STAG2: variants seen among roughly 807,000 people sequenced by gnomAD.
The protein encoded by STAG2 is cohesin subunit SA-2.
Under a neutral mutation model 108.1 loss-of-function variants are expected in STAG2, and 14 were observed. That is an observed-to-expected ratio of 0.13 (90% confidence interval 0.09 to 0.20). The LOEUF is 0.20. STAG2 is among the 10% of genes least tolerant of loss of function. STAG2 has a pLI of 1.00. For synonymous variants in STAG2, 307 were observed against 302.7 expected, an observed-to-expected ratio of 1.01 and a Z score of -0.15; for missense variants, 440 against 940.9, an observed-to-expected ratio of 0.47 and a Z score of 6.96.
chrX:124,073,532 C>T (rs2058726661), intron 25 of STAG2, among the ~76,000 whole-genome samples: 2 of 111,420 alleles, frequency 1.8e-5, no homozygotes, highest in South Asian at 7.6e-4. Context: ...AAATGATTCT[C>T]CCACCTCAGT....
chrX:123,969,979 T>TA (rs1395619770), intron 1 of STAG2, among the ~76,000 whole-genome samples: 2 of 97,645 alleles, frequency 2.0e-5, no homozygotes, highest in East Asian at 3.0e-4. Flanking sequence ...TTTTTTTTTT[T>TA]AATTGTAACT....
chrX:124,036,782 A>G (rs1223996647), intron 5 of STAG2, among the ~76,000 whole-genome samples: 2 of 111,863 alleles, frequency 1.8e-5, no homozygotes, highest in African/African-American at 3.2e-5. Context: ...AGAAATAACC[A>G]TATTGAGATA....
chrX:124,075,253 AT>A (rs908534399), intron 25 of STAG2, among the ~76,000 whole-genome samples: 1 of 112,067 alleles, frequency 8.9e-6, no homozygotes, highest in Non-Finnish European at 1.9e-5. Flanking sequence ...AACAATTTTA[AT>A]TTCATTTAAC....
chrX:124,009,392 CAGGT>C (rs748240892), intron 1 of STAG2, among the ~76,000 whole-genome samples: 259 of 90,542 alleles, frequency 2.9e-3, no homozygotes, highest in South Asian at 0.014. Context: ...GTAATCTAAC[CAGGT>C]AGGTAGGTAG....
chrX:123,974,546 G>A (rs1244759336), intron 1 of STAG2, among the ~76,000 whole-genome samples: 1 of 100,660 alleles, frequency 9.9e-6, no homozygotes, highest in Non-Finnish European at 2.0e-5. Flanking sequence ...TCTTATATAT[G>A]CAGTTACTGT....
At chrX:124,076,106 A>G (rs2058795722) in intron 25 of STAG2, among the ~76,000 whole-genome samples, 1 of 112,051 alleles carries the variant, frequency 8.9e-6, no homozygotes, top group African/African-American at 3.2e-5. Flanking sequence ...GTAGGTGAAC[A>G]TGGAATACGA....
intron 25 of STAG2, among the ~76,000 whole-genome samples, chrX:124,076,037 T>C (rs2058793855): frequency 9.0e-6 from 1 of 111,258 alleles, no homozygotes; most frequent in South Asian, 3.8e-4. Flanking sequence ...GCAGATTTTG[T>C]TGACAAACTA....
At chrX:123,984,385 A>G (rs146271025) in intron 1 of STAG2, among the ~76,000 whole-genome samples, 1,528 of 111,624 alleles carry the variant, frequency 0.014, 31 homozygotes, top group African/African-American at 0.047. Context: ...TTACATTTAA[A>G]TGCAGTGAAT....
At chrX:124,061,196 A>G in intron 15 of STAG2, 28 bp from the exon 16 acceptor site, 1 of 1,096,672 alleles carries the variant, frequency 9.1e-7, no homozygotes, top group Non-Finnish European at 1.2e-6. Context: ...TAATTGTCTA[A>G]GACCACATTG....
At chrX:124,090,513 G>C in intron 30 of STAG2, 62 bp from the exon 31 acceptor site, 1 of 942,408 alleles carries the variant, frequency 1.1e-6, no homozygotes, top group Non-Finnish European at 1.5e-6. Context: ...TGAACAGGTT[G>C]TATTAGACAT....
intron 6 of STAG2, among the ~76,000 whole-genome samples, chrX:124,040,941 A>G (rs1189102511): frequency 1.0e-5 from 1 of 96,285 alleles, no homozygotes; most frequent in Non-Finnish European, 2.1e-5. Flanking sequence ...GCTCACTGCA[A>G]CCTCTGCCTC....
At chrX:124,029,247 G>C (rs933232575) in intron 4 of STAG2, among the ~76,000 whole-genome samples, 11 of 108,186 alleles carry the variant, frequency 1.0e-4, no homozygotes, top group African/African-American at 3.4e-4. Context: ...TCGATCTCCT[G>C]ACCTCGTGAT....
At chrX:123,967,096 G>A (rs1162805450) in intron 1 of STAG2, among the ~76,000 whole-genome samples, 2 of 109,711 alleles carry the variant, frequency 1.8e-5, no homozygotes, top group Non-Finnish European at 3.8e-5. Context: ...TGTTGGTCAG[G>A]GTGGTCTCAA....
chrX:124,051,716 G>A (rs1238634475), intron 13 of STAG2, among the ~76,000 whole-genome samples: 1 of 109,230 alleles, frequency 9.2e-6, no homozygotes, highest in Admixed American at 9.8e-5. Flanking sequence ...TCAGCCTCCC[G>A]AGTAGCTGGG....
At chrX:124,093,239 A>G (rs781364484) in intron 32 of STAG2, among the ~76,000 whole-genome samples, 1 of 111,312 alleles carries the variant, frequency 9.0e-6, no homozygotes, top group Non-Finnish European at 1.9e-5. Context: ...ATTTCTAAAT[A>G]TGTCTTAGTT....
intron 1 of STAG2, among the ~76,000 whole-genome samples, chrX:123,973,922 A>G (rs1270998937): frequency 9.0e-6 from 1 of 111,467 alleles, no homozygotes; most frequent in Non-Finnish European, 1.9e-5. Context: ...CCTTAGGGGA[A>G]TATAGTCAGT....
intron 1 of STAG2, among the ~76,000 whole-genome samples, chrX:123,991,046 G>A (rs2055435371): frequency 1.8e-5 from 2 of 112,188 alleles, no homozygotes; most frequent in African/African-American, 3.2e-5. Context: ...TGTGCTTTCA[G>A]TGTACCCTAT....
At chrX:124,055,498 T>C (rs1277165743) in intron 13 of STAG2, among the ~76,000 whole-genome samples, 1 of 112,879 alleles carries the variant, frequency 8.9e-6, no homozygotes, top group Non-Finnish European at 1.9e-5. Context: ...GCCTTAATGA[T>C]GATGATTTAT....
chrX:124,092,264 G>A (rs771744233), intron 32 of STAG2, among the ~76,000 whole-genome samples: 25 of 111,430 alleles, frequency 2.2e-4, no homozygotes, highest in Non-Finnish European at 3.8e-4. Context: ...TCTATTACAC[G>A]TATAGATTCT....
Sources: allele counts gnomAD v4.1 joint callset (sites outside exome capture counted in the v4.1 genomes callset), GRCh38; gene constraint gnomAD v4.1.1; transcripts MANE v1.5; gene names NCBI Gene and HGNC (gene_info 2026-07-23, HGNC 2026-07-21).